The following MED15 variants were observed in gnomAD, a reference collection of about 807,000 sequenced individuals.
MED15 encodes mediator complex subunit 15.
MED15 carries 41 observed loss-of-function variants against 118.7 expected under a neutral mutation model. The ratio of observed to expected loss-of-function variants is 0.35; its 90% CI spans 0.27 to 0.45. MED15 has a LOEUF of 0.45. MED15 is among the 20% of genes least tolerant of loss of function. The probability of loss-of-function intolerance (pLI) is 1.00; values close to 1 mark genes in which losing one functional copy is unlikely to be tolerated. For synonymous variants in MED15, 436 were observed against 413.9 expected (o/e 1.05, Z -0.65); for missense variants, 740 against 1,025.5 (o/e 0.72, Z 3.80).
At chr22:20,555,731 C>G (rs966826411) in intron 5 of MED15, among the ~76,000 whole-genome samples, 10 of 152,248 alleles carry the variant, frequency 6.6e-5, no homozygotes, top group African/African-American at 2.2e-4. Flanking sequence ...TTTCCAGGAC[C>G]TGTCTTTTGA....
rs753966700 is a variant in MED15, at chr22:20,582,907, G to T, written c.1477G>T (p.Val493Leu). The T allele has an allele frequency of 1.1e-5, 18 of 1,613,596 alleles. No homozygotes were observed. In the East Asian group the frequency reaches 3.8e-4, roughly 34 times the overall value. Residue 493 changes from valine (V) to leucine (L), a missense_variant, in exon 11 of 18, where the codon GTG becomes TTG. Physicochemically the swap from Val to Leu is conservative, Grantham distance 32. This residue lies in a region of MED15 where 384 missense variants were observed against 506.3 expected (regional missense o/e 0.76). Transcript: ENST00000263205. Reference sequence around the variant, plus strand: ...CTCACCGCAGCCCTCCCAGAGCCCAGTGACGGCGCGGACCCCACAGAACTT... The same window carrying T: ...CTCACCGCAGCCCTCCCAGAGCCCATTGACGGCGCGGACCCCACAGAACTT... ...SPSPQPSQSP[V>L]TARTPQNFSV...
chr22:20,515,828 C>G (rs2054233234), intron 1 of MED15, among the ~76,000 whole-genome samples: 1 of 151,526 alleles, frequency 6.6e-6, no homozygotes, highest in South Asian at 2.1e-4. Flanking sequence ...GATAATAAAA[C>G]CTCGTCTCTA....
At chr22:20,544,752 G>A (rs1454729102) in intron 2 of MED15, among the ~76,000 whole-genome samples, 1 of 152,200 alleles carries the variant, frequency 6.6e-6, no homozygotes, top group African/African-American at 2.4e-5. Context: ...AATCGCAGTG[G>A]CAGCAGGGAG....
intron 16 of MED15, chr22:20,585,468 A>G (rs145030539): frequency 4.0e-6 from 3 of 752,658 alleles, no homozygotes; most frequent in South Asian, 3.7e-5. Flanking sequence ...GAGCCCGCAC[A>G]CTCTCACCTC....
intron 1 of MED15, among the ~76,000 whole-genome samples, chr22:20,531,066 G>A (rs928814804): frequency 2.6e-5 from 4 of 152,170 alleles, no homozygotes; most frequent in Non-Finnish European, 5.9e-5. Context: ...CACCCTTTGT[G>A]CAAAGGAAGG....
At chr22:20,533,359 C>A (rs1464210980) in intron 1 of MED15, among the ~76,000 whole-genome samples, 1 of 152,220 alleles carries the variant, frequency 6.6e-6, no homozygotes, top group East Asian at 1.9e-4. Flanking sequence ...TTCCTGGGTT[C>A]TTTTTCGCTT....
intron 1 of MED15, among the ~76,000 whole-genome samples, chr22:20,515,791 A>T (rs1448431231): frequency 6.6e-6 from 1 of 151,818 alleles, no homozygotes. Context: ...TCTCAAAAAA[A>T]AAAAATATAT....
intron 9 of MED15, among the ~76,000 whole-genome samples, chr22:20,579,498 G>T (rs774550457): frequency 6.6e-6 from 1 of 151,946 alleles, no homozygotes; most frequent in Non-Finnish European, 1.5e-5. Context: ...ACTGAGTGCC[G>T]GAGCCAGGAG....
intron 5 of MED15, 100 bp downstream of exon 5, chr22:20,555,248 C>T (rs2055949108): frequency 8.2e-7 from 1 of 1,212,346 alleles, no homozygotes; most frequent in Admixed American, 2.8e-5. Context: ...CATGGAGAAG[C>T]TCCAAATCGC....
chr22:20,585,397 G>A (rs2146686458), intron 16 of MED15, 130 bp downstream of exon 16: 6 of 1,243,394 alleles, frequency 4.8e-6, no homozygotes, highest in Admixed American at 2.3e-5. Context: ...CAGGCTGTCT[G>A]CTCTATCCTC....
intron 17 of MED15, 64 bp downstream of exon 17, chr22:20,585,890 G>A: frequency 6.7e-7 from 1 of 1,487,898 alleles, no homozygotes; most frequent in Non-Finnish European, 9.3e-7. Context: ...TGGAAAACCA[G>A]GCTTCCACTG....
At chr22:20,549,080 T>C (rs1307436590) in intron 2 of MED15, among the ~76,000 whole-genome samples, 3 of 152,216 alleles carry the variant, frequency 2.0e-5, no homozygotes, top group East Asian at 1.9e-4. Context: ...GAATAATAGA[T>C]GTGAGCCTCC....
intron 6 of MED15, among the ~76,000 whole-genome samples, chr22:20,564,992 G>A (rs1230809785): frequency 6.6e-6 from 1 of 152,238 alleles, no homozygotes; most frequent in East Asian, 1.9e-4. Context: ...GGACATGGTG[G>A]CGTACACCTA....
In MED15 at chr22:20,585,709, A is replaced by G. The variant is rs749010804; in HGVS notation, c.2132-19A>G. ...GCCGGGGCTTGTCCAGGTCACAGAT[A>G]GAGCCTTCTGTGTTGCAGATGACAA... On this transcript the variant is annotated intron_variant, in intron 16 of 17. Coordinates refer to ENST00000263205, the MANE Select transcript of MED15 (RefSeq NM_001003891.3). The G allele has an allele frequency of 1.2e-5, 19 of 1,606,924 alleles. No individual in the cohort carries two copies. The Admixed American group carries it at 2.3e-4, about 20-fold the overall frequency.
At chr22:20,533,263 G>C (rs1325025152) in intron 1 of MED15, among the ~76,000 whole-genome samples, 3 of 152,206 alleles carry the variant, frequency 2.0e-5, no homozygotes, top group African/African-American at 7.2e-5. Context: ...CAATGTCCAG[G>C]CAGGGGATGC....
intron 4 of MED15, 116 bp downstream of exon 4, chr22:20,553,290 T>TGCGGAGAGAACTCTGGA (rs2055860309): frequency 9.1e-7 from 1 of 1,099,648 alleles, no homozygotes; most frequent in Non-Finnish European, 1.4e-6. Flanking sequence ...GGAGAATGCT[T>TGCGGAGAGAACTCTGGA]GCGGAGAGAA....
chr22:20,543,507 C>T (rs1316273044), intron 2 of MED15, among the ~76,000 whole-genome samples: 4 of 149,788 alleles, frequency 2.7e-5, no homozygotes, highest in Admixed American at 6.7e-5. Flanking sequence ...CCACCATGCC[C>T]GGCCTCCTCT....
chr22:20,549,205 A>G (rs2055675937), intron 2 of MED15, among the ~76,000 whole-genome samples: 1 of 152,150 alleles, frequency 6.6e-6, no homozygotes, highest in Non-Finnish European at 1.5e-5. Context: ...AATGCATGTG[A>G]ATTGATGACT....
chr22:20,556,497 A>G (rs774409561), intron 5 of MED15, among the ~76,000 whole-genome samples: 2 of 151,924 alleles, frequency 1.3e-5, no homozygotes, highest in Non-Finnish European at 2.9e-5. Context: ...ATGGGGTTTC[A>G]CCATGTTGGC....
Sources: gnomAD v4.1 joint callset for allele counts (sites outside exome capture counted in the v4.1 genomes callset) on GRCh38, gnomAD v4.1.1 for gene constraint, gnomAD v4.1.1 regional missense constraint, MANE v1.5 for transcripts, NCBI Gene and HGNC (gene_info 2026-07-23, HGNC 2026-07-21) for gene names.